The following PGM3 variants were observed in gnomAD, a reference collection of about 807,000 sequenced individuals.
The protein encoded by PGM3 is phosphoacetylglucosamine mutase.
PGM3 carries 40 observed loss-of-function variants against 66.2 expected under a neutral mutation model. The observed-to-expected ratio is 0.60, with a 90% CI of 0.47 to 0.79. PGM3 has a LOEUF of 0.79. Ranked by LOEUF, PGM3 falls within the 30% of genes least tolerant of loss-of-function variation. The pLI, the probability that PGM3 is intolerant of heterozygous loss-of-function variation, is 0.00. For missense variants in PGM3, 537 were observed against 643.4 expected (o/e 0.83, Z 1.79); for synonymous variants, 191 against 224.2 (o/e 0.85, Z 1.32).
the PGM3 span, among the ~76,000 whole-genome samples, chr6:83,149,151 A>T: frequency 1.7e-4 from 26 of 152,280 alleles, no homozygotes; most frequent in East Asian, 1.7e-3. Flanking sequence ...ATGGAATGGA[A>T]AGGGGAGGGG....
rs1787242193 is a variant in PGM3, at chr6:83,171,967, T to C, written c.1335A>G (p.Thr445=). The C allele has an allele frequency of 1.2e-6, 2 of 1,613,328 alleles. No homozygotes were observed. Among genetic ancestry groups the C allele is most frequent in the South Asian group, 1.1e-5 (1 of 91,036 alleles). Residue 445 remains threonine (T), a synonymous_variant, in exon 11 of 13, where the codon ACA becomes ACG. Coordinates refer to ENST00000513973, the MANE Select transcript of PGM3 (RefSeq NM_015599.3). ...CTTTAAGTTGTCTGTTTGGAAGATC[T>C]GTATAGAGAGCATCCCACTGTTGTA... ...LTVQQWDALY[T]DLPNRQLKVQ... is the part of the protein sequence containing the mutation.
In PGM3 at chr6:83,169,138, C is replaced by T; in HGVS notation, c.*96G>A. ...ACAATCCAGTAGGCTGCATTGTAAA[C>T]ATTATGATTATAAATCTCTTAGTAC... On this transcript the variant is annotated 3_prime_UTR_variant, in exon 13 of 13. Transcript: ENST00000513973. The T allele has an allele frequency of 6.5e-7, 1 of 1,546,056 alleles. No individual in the cohort carries two copies.
downstream of PGM3, chr6:83,162,649 T>C: frequency 1.2e-6 from 1 of 856,650 alleles, no homozygotes; most frequent in Admixed American, 3.0e-5. Flanking sequence ...ATACCCAAAG[T>C]GACAAGGCTA....
chr6:83,162,042 A>G (rs1213338555), downstream of PGM3, among the ~76,000 whole-genome samples: 1 of 152,168 alleles, frequency 6.6e-6, no homozygotes, highest in Non-Finnish European at 1.5e-5. Context: ...TCAAAAATAT[A>G]TATCCTACAT....
At chr6:83,163,067 T>C, downstream of PGM3, 1 of 779,090 alleles carries the variant, frequency 1.3e-6, no homozygotes, top group East Asian at 2.6e-5. Context: ...TTAATGTCCA[T>C]AAGCCTCATA....
chr6:83,155,948 C>T, the PGM3 span: 1 of 1,601,612 alleles, frequency 6.2e-7, no homozygotes, highest in Non-Finnish European at 8.5e-7. Context: ...CTTGCTTTTT[C>T]AGCTCGTGTA....
the PGM3 span, chr6:83,151,926 GTTC>G: frequency 1.2e-6 from 2 of 1,613,598 alleles, no homozygotes; most frequent in African/African-American, 1.3e-5. Context: ...GCAATTGCTG[GTTC>G]TTCTCTGGAA....
the PGM3 span, chr6:83,155,838 C>A: frequency 8.4e-6 from 11 of 1,305,550 alleles, no homozygotes; most frequent in Non-Finnish European, 1.0e-5. Flanking sequence ...AAGTTTTGTA[C>A]CCCAAGCTCC....
rs764133072 is a variant in PGM3, at chr6:83,175,934, A to G, written c.1128+28T>C. On this transcript the variant is annotated intron_variant, in intron 9 of 12. Coordinates refer to ENST00000513973, the MANE Select transcript of PGM3 (RefSeq NM_015599.3). Reference sequence around the variant, plus strand: ...CTCATCATAAAGAAAAGTGCCAGCTAAGGCCAACTATAATTAAGAGAACTT... The same window carrying G: ...CTCATCATAAAGAAAAGTGCCAGCTGAGGCCAACTATAATTAAGAGAACTT... The G allele has an allele frequency of 3.9e-6, 5 of 1,288,706 alleles. No individual in the cohort carries two copies. In the African/African-American group the frequency reaches 7.3e-5, roughly 19 times the overall value. 79.8% of individuals were successfully genotyped at this position (1,288,706 alleles called of 1,614,324 possible).
At chr6:83,162,735 C>T (rs1194846385), downstream of PGM3, 8 of 1,543,732 alleles carry the variant, frequency 5.2e-6, no homozygotes, top group African/African-American at 1.1e-4. Flanking sequence ...GTGGCCTAAT[C>T]TTAGATGGCA....
In PGM3 at chr6:83,165,757, G is replaced by T; in HGVS notation, c.*3477C>A. Reference sequence around the variant, plus strand: ...TCATAGCCCAATTAGTTCAATTTTCGAAGCGTTGGTTGTGCAACGTGCGGC... The same window carrying T: ...TCATAGCCCAATTAGTTCAATTTTCTAAGCGTTGGTTGTGCAACGTGCGGC... On this transcript the variant is annotated 3_prime_UTR_variant, in exon 13 of 13. Transcript: ENST00000513973. The T allele has an allele frequency of 8.4e-6, 2 of 237,754 alleles. No individual in the cohort carries two copies. The highest frequency in any genetic ancestry group is 1.1e-4 in the South Asian group (2 of 18,934). 14.7% of individuals were successfully genotyped at this position (237,754 alleles called of 1,614,324 possible).
chr6:83,153,421 T>C, the PGM3 span: 1 of 748,132 alleles, frequency 1.3e-6, no homozygotes, highest in Non-Finnish European at 2.1e-6. Context: ...TTTTAAGTAG[T>C]CTAGGTTTTC....
rs1413181014 is a variant in PGM3 at position 83,178,603 on chromosome 6, G to A, written c.1029+70C>T. The A allele has an allele frequency of 5.9e-6, 5 of 840,638 alleles. No homozygotes were observed. The African/African-American group carries it at 8.3e-5, about 14-fold the overall frequency. 52.1% of individuals were successfully genotyped at this position (840,638 alleles called of 1,614,324 possible). ...CACTACAACATAATCACTTTTATGA[G>A]GGCAGTATCTTTCTCACAGAAACAT... On this transcript the variant is annotated intron_variant, in intron 8 of 12. Transcript: ENST00000513973.
intron 8 of PGM3, among the ~76,000 whole-genome samples, chr6:83,176,508 C>A (rs1787782138): frequency 6.6e-6 from 1 of 152,182 alleles, no homozygotes; most frequent in Non-Finnish European, 1.5e-5. Context: ...ATAAACAAAT[C>A]AACATAGCTC....
chr6:83,172,937 C>A (rs1035681698), intron 10 of PGM3, among the ~76,000 whole-genome samples: 3 of 152,196 alleles, frequency 2.0e-5, no homozygotes, highest in Admixed American at 6.5e-5. Flanking sequence ...GGGTGGCTGA[C>A]AGAGTGACAC....
intron 3 of PGM3, 124 bp downstream of exon 3, chr6:83,188,490 G>C (rs1583294037): frequency 1.4e-6 from 1 of 718,044 alleles, no homozygotes; most frequent in East Asian, 2.6e-5. Flanking sequence ...GGCCAGGCAG[G>C]TAGACATGCA....
intron 8 of PGM3, 175 bp from the exon 9 acceptor site, chr6:83,176,235 C>T (rs1335692154): frequency 7.8e-6 from 4 of 510,758 alleles, no homozygotes; most frequent in East Asian, 3.0e-5. Flanking sequence ...CATGAACACA[C>T]TCTGGAAGCA....
chr6:83,158,195 G>A (rs757853895), downstream of PGM3, among the ~76,000 whole-genome samples: 12 of 152,088 alleles, frequency 7.9e-5, no homozygotes, highest in Non-Finnish European at 1.2e-4. Flanking sequence ...TAAAGACGGG[G>A]TTTCAGCATG....
chr6:83,183,149 CA>C (rs1476693784), intron 4 of PGM3, among the ~76,000 whole-genome samples, 171 bp from the exon 5 acceptor site: 2 of 151,820 alleles, frequency 1.3e-5, no homozygotes, highest in African/African-American at 4.8e-5. Flanking sequence ...TATAAGAAGC[CA>C]AAAAACCAAT....
Sources: gnomAD v4.1 joint callset for allele counts (sites outside exome capture counted in the v4.1 genomes callset) on GRCh38, gnomAD v4.1.1 for gene constraint, MANE v1.5 for transcripts, NCBI Gene and HGNC (gene_info 2026-07-23, HGNC 2026-07-21) for gene names.